The following EBF3 variants were observed in gnomAD, a reference collection of about 807,000 sequenced individuals.
The protein encoded by EBF3 is transcription factor COE3.
Under a neutral mutation model 77.1 loss-of-function variants are expected in EBF3, and 18 were observed. The observed-to-expected ratio is 0.23, with a 90% CI of 0.16 to 0.35. The LOEUF (loss-of-function observed/expected upper bound fraction) is 0.35, where lower values mean the gene tolerates loss of function less well. EBF3 is among the 10% of genes least tolerant of loss of function. EBF3 has a pLI of 1.00. For missense variants in EBF3, 558 were observed against 860.0 expected (o/e 0.65, Z 4.39); for synonymous variants, 350 against 343.5 (o/e 1.02, Z -0.21).
chr10:129,928,476 T>C (rs10829661), intron 6 of EBF3, among the ~76,000 whole-genome samples: 93,553 of 152,082 alleles, frequency 0.62, 29,510 homozygotes, highest in East Asian at 0.8. Flanking sequence ...TCCAGGATTC[T>C]AGTACAGGGA....
rs768053904 is a variant in EBF3 at position 129,842,180 on chromosome 10, G to A, written c.1308C>T (p.Gly436=). 5.6e-6 allele frequency: 9 copies of A among 1,614,116 alleles called. No individual in the cohort carries two copies. Among genetic ancestry groups the A allele is most frequent in the South Asian group, 2.2e-5 (2 of 91,086 alleles). The part of the protein sequence containing the change: ...GNNPAHTGMM[G]VNSFSSQLAV... ...CTAGCTGGCTGCTGAAGGAGTTGAC[G>A]CCCATCATGCCCGTGTGTGCAGGGT... Residue 436 remains glycine (G), a synonymous_variant, in exon 13 of 17, where the codon GGC becomes GGT. Coordinates refer to ENST00000440978, the MANE Select transcript of EBF3 (RefSeq NM_001375380.1). This position sits in a 1 kb window ranked among gnomAD's most constrained non-coding sequence, Gnocchi z 4.4.
intron 9 of EBF3, 129 bp downstream of exon 9, chr10:129,867,653 G>A (rs1364520415): frequency 3.4e-6 from 5 of 1,457,190 alleles, no homozygotes; most frequent in Non-Finnish European, 4.6e-6. Context: ...GCTGCCACAG[G>A]CGAACAGTGC....
rs1395154963 is a variant in EBF3, at chr10:129,837,291, CAA to C, written c.*650_*651del. 6.6e-6 allele frequency: 1 copy of C among 152,638 alleles called. No homozygotes were observed. The highest frequency in any genetic ancestry group is 1.5e-5 in the Non-Finnish European group (1 of 68,066). 9.5% of individuals were successfully genotyped at this position (152,638 alleles called of 1,614,324 possible). ...TGTTGAAGGCAAGAGAATTCAATAT[CAA>C]AGTTACAATTTCTAACTACAATAAG... On this transcript the variant is annotated 3_prime_UTR_variant, in exon 17 of 17. Coordinates refer to ENST00000440978, the MANE Select transcript of EBF3 (RefSeq NM_001375380.1).
At position 129,885,008 on chromosome 10, in the gene EBF3, A is replaced by C. The variant is rs1340865638; in HGVS notation, c.555-7159T>G. Among the ~76,000 whole-genome samples the C allele has an allele frequency of 2.0e-5, 3 of 152,170 alleles. No homozygotes were observed. Among genetic ancestry groups the C allele is most frequent in the Non-Finnish European group, 4.4e-5 (3 of 68,046 alleles). ...CCTGACAAATACCTCACTATCGAAC[A>C]TTATTAGGTTTAGAAAATTAACCCT... On this transcript the variant is annotated intron_variant, in intron 6 of 16. Transcript: ENST00000440978. This position sits in a 1 kb window ranked among gnomAD's most constrained non-coding sequence, Gnocchi z 4.0.
At chr10:129,892,130 A>G (rs1479970107) in intron 6 of EBF3, among the ~76,000 whole-genome samples, 2 of 152,208 alleles carry the variant, frequency 1.3e-5, no homozygotes, top group Non-Finnish European at 2.9e-5. Flanking sequence ...AGTGAACTTG[A>G]CTGAGCAGGA....
chr10:129,875,554 C>G (rs969553816), intron 7 of EBF3, among the ~76,000 whole-genome samples: 27 of 152,244 alleles, frequency 1.8e-4, no homozygotes, highest in African/African-American at 6.5e-4. Flanking sequence ...GGGCGGTACA[C>G]ACGCATCCCA....
chr10:129,946,382 G>A (rs1858226670), intron 6 of EBF3, among the ~76,000 whole-genome samples: 1 of 152,186 alleles, frequency 6.6e-6, no homozygotes, highest in Admixed American at 6.5e-5. Context: ...TTAGAATGGG[G>A]TCTGAGGAAA....
chr10:129,894,200 A>G (rs1318714285), intron 6 of EBF3, among the ~76,000 whole-genome samples: 1 of 152,186 alleles, frequency 6.6e-6, no homozygotes, highest in African/African-American at 2.4e-5. Flanking sequence ...TCCTGCGCAG[A>G]ACTTTAGATG....
Position 129,842,864 on chromosome 10 carries a change from G to T in EBF3, c.1194+273C>A, listed in dbSNP as rs779414086. The stretch of plus-strand genomic sequence containing the variant: ...CCTGGTTCCCAGCGGCACCAACACC[G>T]TCCACCCGCCACTGCACACTGCAGA... On this transcript the variant is annotated intron_variant, in intron 12 of 16. Coordinates refer to ENST00000440978, the MANE Select transcript of EBF3 (RefSeq NM_001375380.1). The surrounding 1 kb of genome is among the most constrained non-coding windows in gnomAD (Gnocchi z 4.4). Among the ~76,000 whole-genome samples, 1 of 151,456 alleles carries T rather than the reference G, an allele frequency of 6.6e-6. No homozygotes were observed. The highest frequency in any genetic ancestry group is 2.4e-5 in the African/African-American group (1 of 41,176).
chr10:129,959,228 C>A (rs552678590), intron 4 of EBF3, among the ~76,000 whole-genome samples: 22 of 152,234 alleles, frequency 1.4e-4, no homozygotes, highest in African/African-American at 4.8e-4. Context: ...CTCCCCCGGG[C>A]GCCCGCCAGG....
intron 6 of EBF3, among the ~76,000 whole-genome samples, chr10:129,948,965 G>T (rs1299838646): frequency 6.6e-6 from 1 of 152,150 alleles, no homozygotes; most frequent in South Asian, 2.1e-4. Context: ...AGAGCATTTA[G>T]GCCCCTGCCA....
At chr10:129,881,486 C>T (rs1001282883) in intron 6 of EBF3, among the ~76,000 whole-genome samples, 1 of 152,166 alleles carries the variant, frequency 6.6e-6, no homozygotes, top group African/African-American at 2.4e-5. Context: ...ACACGCCAGG[C>T]GCGGCTTTCC....
chr10:129,941,931 A>C, intron 6 of EBF3, among the ~76,000 whole-genome samples: 1 of 152,226 alleles, frequency 6.6e-6, no homozygotes, highest in East Asian at 1.9e-4. Flanking sequence ...AAGGGATGAC[A>C]CAGGGAGCAA....
At chr10:129,960,651 C>T (rs527814329) in intron 4 of EBF3, among the ~76,000 whole-genome samples, 162 of 145,008 alleles carry the variant, frequency 1.1e-3, no homozygotes, top group South Asian at 0.011. Context: ...TTTTTTTGCC[C>T]CTCCATGCCC....
intron 11 of EBF3, chr10:129,845,515 T>A (rs1343425613): frequency 6.6e-6 from 1 of 152,210 alleles, no homozygotes; most frequent in South Asian, 2.1e-4. Context: ...TGCCCGATGA[T>A]CTAGAATGGT....
In EBF3 at chr10:129,841,876, G is replaced by A. The variant is rs370220257; in HGVS notation, c.1372+240C>T. ...AACTTCTAGCAAATACCAGTGACCC[G>A]CATGGCATCCATTGGAGCTGCCGTT... is the stretch of plus-strand genomic sequence containing the variant. On this transcript the variant is annotated intron_variant, in intron 13 of 16. Transcript: ENST00000440978. This position sits in a 1 kb window ranked among gnomAD's most constrained non-coding sequence, Gnocchi z 4.6. Among the ~76,000 whole-genome samples the A allele has an allele frequency of 3.3e-5, 5 of 152,260 alleles. No individual in the cohort carries two copies. Among genetic ancestry groups the A allele is most frequent in the African/African-American group, 4.8e-5 (2 of 41,550 alleles).
At chr10:129,888,126 G>A (rs80290554) in intron 6 of EBF3, among the ~76,000 whole-genome samples, 1,724 of 152,306 alleles carry the variant, frequency 0.011, 42 homozygotes, top group African/African-American at 0.039. Context: ...GAACGTGGGC[G>A]TGCTCCAGGA....
intron 6 of EBF3, among the ~76,000 whole-genome samples, chr10:129,921,151 T>G (rs73383633): frequency 2.0e-5 from 3 of 152,232 alleles, no homozygotes; most frequent in African/African-American, 7.2e-5. Context: ...GGGAATCACG[T>G]TCTGGAAAAA....
chr10:129,963,660 C>T lies in EBF3; in HGVS notation c.109G>A (p.Val37Met). ...CTCTGGGCGGCCGTGTTGGCGTCCA[C>T]CACGCCCGCCGTGTGCATCCACGAG... ...VRSWMHTAGVVDANTAAQSGV... is the reference protein window; with the variant it reads ...VRSWMHTAGVMDANTAAQSGV... The change falls in exon 1 of 17, where the codon GTG becomes ATG. Residue 37 changes from valine to methionine, a missense_variant. By Grantham distance (21) the Val-to-Met change is conservative. Coordinates refer to ENST00000440978, the MANE Select transcript of EBF3 (RefSeq NM_001375380.1). The surrounding 1 kb of genome is among the most constrained non-coding windows in gnomAD (Gnocchi z 7.1). The T allele has an allele frequency of 6.7e-7, 1 of 1,498,124 alleles. No homozygotes were observed. The highest frequency in any genetic ancestry group is 9.0e-7 in the Non-Finnish European group (1 of 1,115,202). The allele number at this position is 1,498,124 out of a possible 1,614,324, so 92.8% of individuals were successfully genotyped here. A position where few individuals can be genotyped will look rare whatever the true frequency, so the allele number is the denominator to read the frequency against.
Sources: gnomAD v4.1 joint callset for allele counts (sites outside exome capture counted in the v4.1 genomes callset) on GRCh38, gnomAD v4.1.1 for gene constraint, Gnocchi (gnomAD v3.1) non-coding constraint, MANE v1.5 for transcripts, NCBI Gene and HGNC (gene_info 2026-07-23, HGNC 2026-07-21) for gene names.